Variants in MAGI1 observed in about 807,000 individuals in gnomAD.
MAGI1 encodes the protein membrane associated guanylate kinase, WW and PDZ domain containing 1.
A neutral mutation model predicts 139.9 loss-of-function variants in MAGI1; 58 were observed. The ratio of observed to expected loss-of-function variants is 0.41; its 90% CI spans 0.34 to 0.52. The LOEUF (loss-of-function observed/expected upper bound fraction) is 0.52, where lower values mean the gene tolerates loss of function less well. Ranked by LOEUF, MAGI1 falls within the 20% of genes least tolerant of loss-of-function variation. The pLI is 0.12. For missense variants in MAGI1, 1,874 were observed against 1,901.6 expected (o/e 0.99, Z 0.27); for synonymous variants, 812 against 737.9 (o/e 1.10, Z -1.63).
chr3:65,415,149 G>A (rs1376428345), intron 12 of MAGI1, among the ~76,000 whole-genome samples: 2 of 151,976 alleles, frequency 1.3e-5, no homozygotes, highest in African/African-American at 2.4e-5. Context: ...TTTACTGAAG[G>A]AACGTGCTGT....
intron 1 of MAGI1, among the ~76,000 whole-genome samples, chr3:65,926,649 C>A (rs925237823): frequency 3.3e-5 from 5 of 152,272 alleles, no homozygotes; most frequent in African/African-American, 1.2e-4. Context: ...TACACTCCCA[C>A]CAGTAACATG....
intron 2 of MAGI1, among the ~76,000 whole-genome samples, chr3:65,503,048 A>AAC (rs144846965): frequency 1.3e-5 from 2 of 151,972 alleles, no homozygotes; most frequent in African/African-American, 4.8e-5. Flanking sequence ...GTCACTAAGC[A>AAC]ACACACACAC....
chr3:65,824,214 A>T (rs2042103802), intron 1 of MAGI1, among the ~76,000 whole-genome samples: 1 of 152,194 alleles, frequency 6.6e-6, no homozygotes, highest in South Asian at 2.1e-4. Context: ...AACTTGACAT[A>T]ATTTCAGGAA....
intron 1 of MAGI1, among the ~76,000 whole-genome samples, chr3:65,990,736 T>C (rs1216609969): frequency 1.3e-5 from 2 of 152,172 alleles, no homozygotes; most frequent in African/African-American, 2.4e-5. Flanking sequence ...ACTTAGGTGG[T>C]ATATATACAG....
chr3:65,751,686 T>C (rs1393115417), intron 1 of MAGI1, among the ~76,000 whole-genome samples: 1 of 152,134 alleles, frequency 6.6e-6, no homozygotes, highest in Non-Finnish European at 1.5e-5. Flanking sequence ...GTGGGCAGTG[T>C]GTATGTAAGG....
At chr3:65,908,859 T>A (rs189768027) in intron 1 of MAGI1, among the ~76,000 whole-genome samples, 58 of 152,306 alleles carry the variant, frequency 3.8e-4, no homozygotes, top group Admixed American at 3.4e-3. Context: ...ATAGTCTACA[T>A]TTCAATCTGC....
chr3:65,382,400 A>G (rs1049088662), intron 15 of MAGI1, among the ~76,000 whole-genome samples: 4 of 152,164 alleles, frequency 2.6e-5, no homozygotes, highest in Non-Finnish European at 4.4e-5. Context: ...CTCTCTTTCC[A>G]TAAAACTCTG....
intron 1 of MAGI1, among the ~76,000 whole-genome samples, chr3:65,674,862 C>T (rs2087085246): frequency 6.6e-6 from 1 of 152,216 alleles, no homozygotes; most frequent in Non-Finnish European, 1.5e-5. Flanking sequence ...AATCTCATCA[C>T]TGCAGCCCAA....
intron 1 of MAGI1, among the ~76,000 whole-genome samples, chr3:65,904,990 C>T (rs1295565819): frequency 6.6e-6 from 1 of 152,110 alleles, no homozygotes; most frequent in African/African-American, 2.4e-5. Flanking sequence ...TATGATTCAA[C>T]AAAATTAGGT....
At chr3:65,659,549 AC>A (rs1234858347) in intron 1 of MAGI1, among the ~76,000 whole-genome samples, 1 of 152,108 alleles carries the variant, frequency 6.6e-6, no homozygotes, top group Non-Finnish European at 1.5e-5. Context: ...AGAAATCTCC[AC>A]CTTTTTCCAG....
intron 1 of MAGI1, among the ~76,000 whole-genome samples, chr3:65,918,691 T>C (rs924245941): frequency 1.3e-5 from 2 of 152,160 alleles, no homozygotes; most frequent in African/African-American, 4.8e-5. Flanking sequence ...CACAACATTC[T>C]TAAACTGATT....
intron 1 of MAGI1, among the ~76,000 whole-genome samples, chr3:65,696,877 A>C (rs989771853): frequency 1.3e-5 from 2 of 151,186 alleles, no homozygotes; most frequent in Non-Finnish European, 2.9e-5. Flanking sequence ...AAATTAGAGA[A>C]GAACTGAAGG....
chr3:65,383,966 C>A (rs1226199006), intron 14 of MAGI1, among the ~76,000 whole-genome samples: 1 of 152,150 alleles, frequency 6.6e-6, no homozygotes, highest in Non-Finnish European at 1.5e-5. Context: ...TTATTATGTG[C>A]CACACCACAA....
rs188857383 is a variant in MAGI1, at chr3:65,632,000, G to A, written c.314-9912C>T. 3.6e-3 allele frequency among the ~76,000 whole-genome samples: 548 copies of A among 151,016 alleles called. 7 individuals carry two copies. The highest frequency in any genetic ancestry group is 0.013 in the African/African-American group (528 of 41,030). On this transcript the variant is annotated intron_variant, in intron 1 of 22. Transcript: ENST00000402939. The stretch of plus-strand genomic sequence containing the variant: ...AGATCACACCACTGCACTCCAGCCG[G>A]GGCAACAGAATGAGACTCCGTCTCA...
At chr3:65,928,542 A>C (rs968971783) in intron 1 of MAGI1, among the ~76,000 whole-genome samples, 6 of 152,124 alleles carry the variant, frequency 3.9e-5, no homozygotes, top group Non-Finnish European at 8.8e-5. Flanking sequence ...CAGGAATCTC[A>C]ACTACATCTC....
chr3:65,464,314 G>A (rs1950029373), intron 5 of MAGI1, among the ~76,000 whole-genome samples: 2 of 151,710 alleles, frequency 1.3e-5, no homozygotes, highest in South Asian at 2.1e-4. Flanking sequence ...CCAGGTTCTT[G>A]CACTGGGAGT....
At chr3:65,569,783 G>A (rs193237727) in intron 2 of MAGI1, among the ~76,000 whole-genome samples, 1 of 151,878 alleles carries the variant, frequency 6.6e-6, no homozygotes, top group Admixed American at 6.6e-5. Context: ...GGGCTGATGG[G>A]AAGATCTCTT....
At position 65,885,135 on chromosome 3, in the gene MAGI1, A is replaced by G. The variant is rs1257429851; in HGVS notation, c.313+152861T>C. ...GTTTTCAGGTCGGGCGCAGCAGCTCACATCTGTAATCCCAACAATTTGGGA... is the reference window on the plus strand; with the variant it reads ...GTTTTCAGGTCGGGCGCAGCAGCTCGCATCTGTAATCCCAACAATTTGGGA... On this transcript the variant is annotated intron_variant, in intron 1 of 22. Transcript: ENST00000402939. Among the ~76,000 whole-genome samples, 3 of 152,202 alleles carry G rather than the reference A, an allele frequency of 2.0e-5. No individual in the cohort carries two copies. In the East Asian group the frequency reaches 5.8e-4, roughly 29 times the overall value.
chr3:65,611,848 T>C (rs1045945378), intron 2 of MAGI1, among the ~76,000 whole-genome samples: 1 of 151,652 alleles, frequency 6.6e-6, no homozygotes, highest in East Asian at 1.9e-4. Flanking sequence ...TCGATAATTG[T>C]AAGCCAAGCC....
Sources: allele counts gnomAD v4.1 joint callset (sites outside exome capture counted in the v4.1 genomes callset), GRCh38; gene constraint gnomAD v4.1.1; transcripts MANE v1.5; gene names NCBI Gene and HGNC (gene_info 2026-07-23, HGNC 2026-07-21).